The following RTN1 variants were observed in gnomAD, a reference collection of about 807,000 sequenced individuals.
RTN1 encodes the protein reticulon 1, also known as reticulon-1.
RTN1 carries 25 observed loss-of-function variants against 65.5 expected under a neutral mutation model. The observed-to-expected ratio is 0.38, with a 90% CI of 0.28 to 0.53. RTN1 has a LOEUF of 0.53. Ranked by LOEUF, RTN1 falls within the 20% of genes least tolerant of loss-of-function variation. RTN1 has a pLI of 0.79. For missense variants in RTN1, 983 were observed against 1,025.4 expected (o/e 0.96, Z 0.57); for synonymous variants, 471 against 447.6 (o/e 1.05, Z -0.66).
intron 3 of RTN1, among the ~76,000 whole-genome samples, chr14:59,630,247 TA>T (rs537362600): frequency 0.029 from 4,038 of 137,696 alleles, 94 homozygotes; most frequent in South Asian, 0.061. Context: ...GGGGTGGGGT[TA>T]AAAAAAAAAA....
chr14:59,606,573 A>C (rs962385531), intron 4 of RTN1, among the ~76,000 whole-genome samples: 3 of 152,050 alleles, frequency 2.0e-5, no homozygotes, highest in Non-Finnish European at 4.4e-5. Context: ...ACAGAATCCT[A>C]CCCTGCTGGC....
rs538304803 is a variant in RTN1 at position 59,861,769 on chromosome 14, T to C, written c.241+8621A>G. 1.5e-4 allele frequency among the ~76,000 whole-genome samples: 23 copies of C among 152,350 alleles called. No homozygotes were observed. In the South Asian group the frequency reaches 4.8e-3, roughly 32 times the overall value. ...TTCTTCCTTTGCTTCATGAAAGTTC[T>C]TCTAGTATTTAACATTCAGATCTTC... On this transcript the variant is annotated intron_variant, in intron 1 of 8. Transcript: ENST00000267484.
intron 1 of RTN1, among the ~76,000 whole-genome samples, chr14:59,844,114 A>G (rs1054391448): frequency 6.6e-6 from 1 of 152,230 alleles, no homozygotes. Context: ...AAAAAGAACA[A>G]GAAAAGATTT....
chr14:59,599,953 T>C (rs1444053072), intron 8 of RTN1, among the ~76,000 whole-genome samples: 6 of 152,186 alleles, frequency 3.9e-5, no homozygotes, highest in South Asian at 4.1e-4. Context: ...CACCTAGACA[T>C]AGGGAATTGT....
chr14:59,703,007 T>G (rs1884212433), intron 3 of RTN1, among the ~76,000 whole-genome samples: 1 of 152,160 alleles, frequency 6.6e-6, no homozygotes, highest in African/African-American at 2.4e-5. Context: ...ACCCCATAGC[T>G]GCTTACCTAA....
chr14:59,786,732 C>T (rs769902759), intron 1 of RTN1, among the ~76,000 whole-genome samples: 67 of 152,208 alleles, frequency 4.4e-4, no homozygotes, highest in African/African-American at 5.8e-4. Flanking sequence ...CTGATGAATA[C>T]GCAGGCTAAC....
intron 1 of RTN1, among the ~76,000 whole-genome samples, chr14:59,805,848 C>G (rs1886626262): frequency 6.6e-6 from 1 of 152,252 alleles, no homozygotes; most frequent in African/African-American, 2.4e-5. Flanking sequence ...GAAAGACTGC[C>G]TTTCATTTTG....
chr14:59,612,427 C>T (rs942119388), intron 3 of RTN1, among the ~76,000 whole-genome samples: 7 of 152,238 alleles, frequency 4.6e-5, no homozygotes, highest in African/African-American at 1.4e-4. Context: ...TCTCTCTCTC[C>T]CTTTCTCTGT....
At chr14:59,769,985 A>G (rs1465722589) in intron 1 of RTN1, among the ~76,000 whole-genome samples, 1 of 152,200 alleles carries the variant, frequency 6.6e-6, no homozygotes, top group Non-Finnish European at 1.5e-5. Flanking sequence ...GAGCAAAGCC[A>G]TGGGAAGTCT....
At chr14:59,851,425 A>G (rs1295026737) in intron 1 of RTN1, among the ~76,000 whole-genome samples, 1 of 152,202 alleles carries the variant, frequency 6.6e-6, no homozygotes, top group Non-Finnish European at 1.5e-5. Context: ...CTATACTTAA[A>G]AAATAAAAGC....
chr14:59,651,988 C>T (rs549767084), intron 3 of RTN1, among the ~76,000 whole-genome samples: 11 of 151,834 alleles, frequency 7.2e-5, no homozygotes, highest in South Asian at 2.1e-4. Context: ...AACAAATTTA[C>T]AAAACAACCC....
At chr14:59,771,129 A>G (rs982012105) in intron 1 of RTN1, among the ~76,000 whole-genome samples, 2 of 152,158 alleles carry the variant, frequency 1.3e-5, no homozygotes, top group African/African-American at 4.8e-5. Context: ...TGTATTTTGA[A>G]CATGATCTGT....
chr14:59,636,810 G>C (rs1882675988), intron 3 of RTN1, among the ~76,000 whole-genome samples: 1 of 152,128 alleles, frequency 6.6e-6, no homozygotes, highest in South Asian at 2.1e-4. Flanking sequence ...TTGTGCAATA[G>C]CATTATGATT....
chr14:59,821,324 G>A (rs1369500378), intron 1 of RTN1, among the ~76,000 whole-genome samples: 1 of 152,128 alleles, frequency 6.6e-6, no homozygotes, highest in East Asian at 1.9e-4. Context: ...GATGTTGTTG[G>A]TCTACAGAAA....
intron 3 of RTN1, among the ~76,000 whole-genome samples, chr14:59,640,985 G>A (rs74549608): frequency 1.4e-4 from 21 of 152,206 alleles, no homozygotes; most frequent in African/African-American, 3.9e-4. Flanking sequence ...TTCTGAGACA[G>A]GGTCTTGCCC....
intron 3 of RTN1, among the ~76,000 whole-genome samples, chr14:59,712,939 G>C (rs1012492289): frequency 6.6e-6 from 1 of 150,704 alleles, no homozygotes; most frequent in African/African-American, 2.4e-5. Flanking sequence ...ATGAGTAACT[G>C]TATTAGATTC....
intron 3 of RTN1, among the ~76,000 whole-genome samples, chr14:59,622,845 C>T (rs184603486): frequency 1.1e-3 from 163 of 152,248 alleles, no homozygotes; most frequent in African/African-American, 3.4e-3. Context: ...ACTGCTGGCA[C>T]GGACTTCTGC....
At chr14:59,726,883 G>C (rs1353072613) in intron 3 of RTN1, 36 bp downstream of exon 3, 2 of 1,564,192 alleles carry the variant, frequency 1.3e-6, no homozygotes, top group South Asian at 2.3e-5. Context: ...CCAGAGGGAG[G>C]ACACTAACCA....
chr14:59,660,738 G>C (rs1291671188), intron 3 of RTN1, among the ~76,000 whole-genome samples: 3 of 152,088 alleles, frequency 2.0e-5, no homozygotes. Flanking sequence ...CTAAAGCAAT[G>C]TTTAGAGGGA....
Sources: allele counts gnomAD v4.1 joint callset (sites outside exome capture counted in the v4.1 genomes callset), GRCh38; gene constraint gnomAD v4.1.1; transcripts MANE v1.5; gene names NCBI Gene and HGNC (gene_info 2026-07-23, HGNC 2026-07-21).